Variants in SPECC1L observed in about 807,000 individuals in gnomAD.
SPECC1L encodes cytospin-A.
Under a neutral mutation model 116.8 loss-of-function variants are expected in SPECC1L, and 40 were observed. The observed-to-expected ratio is 0.34, with a 90% CI of 0.27 to 0.45. The LOEUF (loss-of-function observed/expected upper bound fraction) is 0.45, where lower values mean the gene tolerates loss of function less well. Among genes scored for constraint, SPECC1L ranks in the 20% least tolerant of loss-of-function variants. The pLI is 1.00. For synonymous variants in SPECC1L, 504 were observed against 500.6 expected (o/e 1.01, Z -0.09); for missense variants, 1,110 against 1,373.6 (o/e 0.81, Z 3.03).
chr22:24,338,438 T>C lies in SPECC1L; in HGVS notation c.2613T>C (p.Pro871=), dbSNP rs774076277. The C allele has an allele frequency of 7.8e-5, 126 of 1,613,958 alleles. No individual in the cohort carries two copies. Among genetic ancestry groups the C allele is most frequent in the Non-Finnish European group, 1.0e-4 (120 of 1,179,984 alleles). Residue 871 remains proline, a synonymous_variant, in exon 10 of 17, where the codon CCT becomes CCC. Coordinates refer to ENST00000314328, the MANE Select transcript of SPECC1L (RefSeq NM_015330.6). ...AIPRTPLSPS[P]MKTPPAAAVS... is the part of the protein sequence containing the mutation. ...CTCGAACGCCCCTGAGCCCAAGTCC[T>C]ATGAAAACCCCTCCTGCAGCAGCTG...
intron 14 of SPECC1L, among the ~76,000 whole-genome samples, chr22:24,371,095 AC>A (rs1031156679): frequency 6.6e-6 from 1 of 151,986 alleles, no homozygotes; most frequent in African/African-American, 2.4e-5. Flanking sequence ...TGATAATAAA[AC>A]TCCACTGCAA....
chr22:24,280,041 A>G (rs2048912308), intron 2 of SPECC1L, among the ~76,000 whole-genome samples: 2 of 152,228 alleles, frequency 1.3e-5, no homozygotes, highest in South Asian at 2.1e-4. Flanking sequence ...CATAGCAGAC[A>G]AGGGGACTGA....
At chr22:24,314,435 T>C (rs1379051160) in intron 4 of SPECC1L, among the ~76,000 whole-genome samples, 1 of 152,250 alleles carries the variant, frequency 6.6e-6, no homozygotes, top group Non-Finnish European at 1.5e-5. Flanking sequence ...CATAACTTAT[T>C]CAATGAGTAT....
chr22:24,298,606 G>A (rs377326369), intron 2 of SPECC1L, among the ~76,000 whole-genome samples: 3 of 152,202 alleles, frequency 2.0e-5, no homozygotes, highest in Non-Finnish European at 2.9e-5. Context: ...AGCCACCGAT[G>A]TAAGTTTCTG....
chr22:24,290,336 A>G (rs2049133959), intron 2 of SPECC1L, among the ~76,000 whole-genome samples: 1 of 152,216 alleles, frequency 6.6e-6, no homozygotes, highest in Non-Finnish European at 1.5e-5. Flanking sequence ...TTGGAGGTAG[A>G]AACAGGGGAG....
chr22:24,320,230 C>T lies in SPECC1L; in HGVS notation c.308-1058C>T, dbSNP rs62233117. Among the ~76,000 whole-genome samples the T allele has an allele frequency of 7.2e-3, 1,100 of 152,208 alleles. 6 individuals are homozygous for T. Among genetic ancestry groups the T allele is most frequent in the South Asian group, 0.012 (60 of 4,806 alleles). ...GTCAGAGGTTGCAGTGAGCCGAAAT[C>T]GCTCCACTGCACTATAGCCTGGGTG... On this transcript the variant is annotated intron_variant, in intron 4 of 16. Transcript: ENST00000314328.
chr22:24,385,367 A>T (rs2042142245), intron 14 of SPECC1L, among the ~76,000 whole-genome samples: 1 of 152,202 alleles, frequency 6.6e-6, no homozygotes. Context: ...TATATGTAAA[A>T]ATCACATTAT....
intron 10 of SPECC1L, among the ~76,000 whole-genome samples, chr22:24,340,674 G>A (rs1027186259): frequency 1.1e-4 from 16 of 152,104 alleles, no homozygotes; most frequent in African/African-American, 3.4e-4. Flanking sequence ...TAATACTTAT[G>A]AGCTACATTC....
At chr22:24,298,453 A>T (rs1484007550) in intron 2 of SPECC1L, among the ~76,000 whole-genome samples, 7 of 151,932 alleles carry the variant, frequency 4.6e-5, no homozygotes, top group Admixed American at 2.6e-4. Context: ...AGCATTCTAT[A>T]TATAACAAGA....
chr22:24,284,495 C>A (rs1046226989), intron 2 of SPECC1L, among the ~76,000 whole-genome samples: 5 of 151,962 alleles, frequency 3.3e-5, no homozygotes, highest in African/African-American at 1.2e-4. Context: ...AGTGCAGTGG[C>A]GTGATCTCGG....
At chr22:24,414,390 C>T (rs982486712) in intron 16 of SPECC1L, 144 bp from the exon 17 acceptor site, 2 of 734,594 alleles carry the variant, frequency 2.7e-6, no homozygotes, top group African/African-American at 1.7e-5. Context: ...CATTCTTGGC[C>T]AGGCTTTAAA....
rs183947192 is a variant in SPECC1L at position 24,309,211 on chromosome 22, A to G, written c.154-4102A>G. Among the ~76,000 whole-genome samples the G allele has an allele frequency of 5.0e-3, 765 of 152,300 alleles. 6 individuals are homozygous for G. The highest frequency in any genetic ancestry group is 0.018 in the African/African-American group (736 of 41,550). On this transcript the variant is annotated intron_variant, in intron 3 of 16. Transcript: ENST00000314328. The stretch of plus-strand genomic sequence containing the variant: ...TATTAAAATGTGTGAGTTCACACTG[A>G]TATTTCCAATTCCATTGACTTAAAA...
At chr22:24,377,435 G>C (rs2041992838) in intron 14 of SPECC1L, among the ~76,000 whole-genome samples, 1 of 152,192 alleles carries the variant, frequency 6.6e-6, no homozygotes, top group Admixed American at 6.5e-5. Context: ...GTTTGTTGTA[G>C]ACATTTGTGT....
intron 14 of SPECC1L, among the ~76,000 whole-genome samples, chr22:24,378,510 C>CGA (rs2042009734): frequency 6.6e-6 from 1 of 152,254 alleles, no homozygotes; most frequent in African/African-American, 2.4e-5. Context: ...GCCTAACTTT[C>CGA]AGCCTTTTGG....
intron 14 of SPECC1L, among the ~76,000 whole-genome samples, chr22:24,403,569 T>C (rs1403211232): frequency 6.6e-6 from 1 of 152,126 alleles, no homozygotes; most frequent in Non-Finnish European, 1.5e-5. Flanking sequence ...AAGCTGTCTC[T>C]GTAGGAATCA....
intron 2 of SPECC1L, among the ~76,000 whole-genome samples, chr22:24,299,664 A>G (rs1176794580): frequency 2.0e-5 from 3 of 151,854 alleles, no homozygotes; most frequent in African/African-American, 4.8e-5. Context: ...TCGACTTACA[A>G]TGTTTTTATT....
intron 2 of SPECC1L, among the ~76,000 whole-genome samples, chr22:24,291,037 T>A (rs2049146845): frequency 1.4e-5 from 2 of 143,982 alleles, no homozygotes; most frequent in South Asian, 4.2e-4. Context: ...TGTGTGATTC[T>A]TTCTTCTCAG....
chr22:24,374,315 A>T lies in SPECC1L; in HGVS notation c.3087+4995A>T, dbSNP rs1386553532. Among the ~76,000 whole-genome samples, 4 of 152,218 alleles carry T rather than the reference A, an allele frequency of 2.6e-5. No individual in the cohort carries two copies. In the East Asian group the frequency reaches 5.8e-4, roughly 22 times the overall value. The stretch of plus-strand genomic sequence containing the variant: ...ATAAATCATGCTGCTATAAAGACAC[A>T]TGCACACGTATGTTTATTGCAGCAC... On this transcript the variant is annotated intron_variant, in intron 14 of 16. Coordinates refer to ENST00000314328, the MANE Select transcript of SPECC1L (RefSeq NM_015330.6).
At chr22:24,397,433 G>A (rs1315369507) in intron 14 of SPECC1L, among the ~76,000 whole-genome samples, 1 of 152,164 alleles carries the variant, frequency 6.6e-6, no homozygotes, top group East Asian at 1.9e-4. Flanking sequence ...TCAGAAATAG[G>A]AAGTGTTGTG....
Sources: allele counts gnomAD v4.1 joint callset (sites outside exome capture counted in the v4.1 genomes callset), GRCh38; gene constraint gnomAD v4.1.1; transcripts MANE v1.5; gene names NCBI Gene and HGNC (gene_info 2026-07-23, HGNC 2026-07-21).